The following STAB2 variants were observed in gnomAD, a reference collection of about 807,000 sequenced individuals.
STAB2 encodes the protein stabilin 2.
In STAB2, 288 loss-of-function variants were observed where a neutral mutation model predicts 338.1. The ratio of observed to expected loss-of-function variants is 0.85; its 90% CI spans 0.77 to 0.94. STAB2 has a LOEUF of 0.94. STAB2 is among the 40% of genes least tolerant of loss of function. STAB2 has a pLI of 0.00. For synonymous variants in STAB2, 1,202 were observed against 1,193.3 expected, an observed-to-expected ratio of 1.01 and a Z score of -0.15; for missense variants, 3,141 against 3,210.1, an observed-to-expected ratio of 0.98 and a Z score of 0.52.
chr12:103,750,767 C>A, intron 60 of STAB2, 47 bp downstream of exon 60: 1 of 1,569,808 alleles, frequency 6.4e-7, no homozygotes, highest in Non-Finnish European at 8.7e-7. Flanking sequence ...CCTCTTCAGG[C>A]CTGGGGAAGG....
chr12:103,659,399 C>T (rs907941203), intron 15 of STAB2, among the ~76,000 whole-genome samples: 12 of 152,222 alleles, frequency 7.9e-5, no homozygotes, highest in Non-Finnish European at 1.5e-4. Flanking sequence ...CCTGGGACTT[C>T]ACGCTGTTGC....
In STAB2 at chr12:103,597,010, A is replaced by T. The variant is rs569738531; in HGVS notation, c.331+2500A>T. ...AAAAGGGCTCTTTGAATGTTCAAAC[A>T]TTTCCTTCAAACAGGCCTCAAAGCC... On this transcript the variant is annotated intron_variant, in intron 3 of 68. Transcript: ENST00000388887. 2.7e-5 allele frequency among the ~76,000 whole-genome samples: 4 copies of T among 150,446 alleles called. No homozygotes were observed. In the East Asian group the frequency reaches 7.9e-4, roughly 30 times the overall value.
In STAB2 at chr12:103,753,069, T is replaced by C. The variant is rs1366211370; in HGVS notation, c.6581-151T>C. On this transcript the variant is annotated intron_variant, in intron 60 of 68. Coordinates refer to ENST00000388887, the MANE Select transcript of STAB2 (RefSeq NM_017564.10). ...GTTAGAAAAGAAATATTTTAAATGA[T>C]GTACTTCAACATAACTTGAAGGGAA... 5.0e-6 allele frequency: 4 copies of C among 794,350 alleles called. No homozygotes were observed. The African/African-American group carries it at 5.2e-5, about 10-fold the overall frequency. The allele number at this position is 794,350 out of a possible 1,614,324, so 49.2% of individuals were successfully genotyped here.
At chr12:103,598,871 A>G (rs1321051436) in intron 3 of STAB2, among the ~76,000 whole-genome samples, 1 of 152,196 alleles carries the variant, frequency 6.6e-6, no homozygotes, top group Non-Finnish European at 1.5e-5. Context: ...CACATGTATG[A>G]TAAGTCCCTA....
Position 103,703,134 on chromosome 12 carries a change from C to G in STAB2, c.3715-14C>G. The stretch of plus-strand genomic sequence containing the variant: ...AATGTCATAAAAAGTGACATTTAAC[C>G]CTGTTGTTCACAGCTCTATGTAAAT... On this transcript the variant is annotated splice_polypyrimidine_tract_variant and intron_variant, in intron 34 of 68. Coordinates refer to ENST00000388887, the MANE Select transcript of STAB2 (RefSeq NM_017564.10). 6.2e-7 allele frequency: 1 copy of G among 1,607,638 alleles called. No homozygotes were observed. Among genetic ancestry groups the G allele is most frequent in the South Asian group, 1.1e-5 (1 of 89,348 alleles).
chr12:103,694,613 A>G (rs77901580), intron 31 of STAB2, among the ~76,000 whole-genome samples: 1 of 152,116 alleles, frequency 6.6e-6, no homozygotes, highest in African/African-American at 2.4e-5. Context: ...AGCAGACTGG[A>G]TTGGGCTTTC....
chr12:103,731,459 C>T, intron 49 of STAB2, 117 bp from the exon 50 acceptor site: 1 of 968,856 alleles, frequency 1.0e-6, no homozygotes, highest in Non-Finnish European at 1.5e-6. Context: ...TGCTGATGAG[C>T]CCATCTATGT....
chr12:103,618,929 C>T (rs969274783), intron 3 of STAB2, among the ~76,000 whole-genome samples: 2 of 152,130 alleles, frequency 1.3e-5, no homozygotes, highest in African/African-American at 4.8e-5. Context: ...ATGCTGTTCT[C>T]ATGATTGTGA....
At chr12:103,746,193 C>T (rs962816472) in intron 57 of STAB2, 1 of 175,592 alleles carries the variant, frequency 5.7e-6, no homozygotes, top group Admixed American at 5.8e-5. Flanking sequence ...CCAGGCTTCT[C>T]CCTAGCTCAG....
At chr12:103,689,810 A>T (rs1403438215) in intron 28 of STAB2, 36 bp from the exon 29 acceptor site, 3 of 1,603,508 alleles carry the variant, frequency 1.9e-6, no homozygotes, top group East Asian at 2.2e-5. Context: ...GTCCCCTAAC[A>T]TAAGCAGGTC....
At chr12:103,638,363 C>A in intron 8 of STAB2, 151 bp downstream of exon 8, 1 of 837,036 alleles carries the variant, frequency 1.2e-6, no homozygotes, top group South Asian at 2.1e-5. Flanking sequence ...GTGCTCAGAG[C>A]CTGAAATCAG....
intron 44 of STAB2, among the ~76,000 whole-genome samples, chr12:103,721,402 G>A (rs978210908): frequency 2.0e-5 from 3 of 152,192 alleles, no homozygotes; most frequent in African/African-American, 4.8e-5. Context: ...CAGTGTGAAT[G>A]CAGTAAAGGG....
At chr12:103,725,678 A>T (rs1485936383) in intron 45 of STAB2, among the ~76,000 whole-genome samples, 1 of 152,206 alleles carries the variant, frequency 6.6e-6, no homozygotes, top group Non-Finnish European at 1.5e-5. Context: ...GTGTGTGTGT[A>T]CTGAGCATAG....
intron 3 of STAB2, among the ~76,000 whole-genome samples, chr12:103,606,613 T>C (rs1565956243): frequency 6.6e-6 from 1 of 152,314 alleles, no homozygotes; most frequent in South Asian, 2.1e-4. Flanking sequence ...TTGTTGTATA[T>C]AGAATTTTAA....
chr12:103,700,963 A>G (rs905389966), intron 34 of STAB2, among the ~76,000 whole-genome samples: 5 of 150,298 alleles, frequency 3.3e-5, no homozygotes, highest in Non-Finnish European at 7.4e-5. Flanking sequence ...GTCATCTAGC[A>G]TTAGGTATAT....
In STAB2 at chr12:103,730,930, A is replaced by T. The variant is rs146400733; in HGVS notation, c.5224-646A>T. Among the ~76,000 whole-genome samples, 1,185 of 152,252 alleles carry T rather than the reference A, an allele frequency of 7.8e-3. 22 individuals carry two copies. The highest frequency in any genetic ancestry group is 0.027 in the African/African-American group (1,126 of 41,560). On this transcript the variant is annotated intron_variant, in intron 49 of 68. Coordinates refer to ENST00000388887, the MANE Select transcript of STAB2 (RefSeq NM_017564.10). Reference sequence around the variant, plus strand: ...CCAGGTGTGATGGTGCATGCCTATAATCCCAGCTACTTGGGAGGCTGAGGT... The same window carrying T: ...CCAGGTGTGATGGTGCATGCCTATATTCCCAGCTACTTGGGAGGCTGAGGT...
rs1300735689 is a variant in STAB2, at chr12:103,660,681, A to G, written c.1789-2A>G. Reference sequence around the variant, plus strand: ...CTGCCTTTTGTTCTCTTCTTATTGCAGCTTGAAGTGGCCACTCTCATCTCC... The same window carrying G: ...CTGCCTTTTGTTCTCTTCTTATTGCGGCTTGAAGTGGCCACTCTCATCTCC... On this transcript the variant is annotated splice_acceptor_variant, in intron 16 of 68. Coordinates refer to ENST00000388887, the MANE Select transcript of STAB2 (RefSeq NM_017564.10). LOFTEE classifies it high-confidence loss of function. 6.2e-7 allele frequency: 1 copy of G among 1,614,046 alleles called. No individual in the cohort carries two copies. Among genetic ancestry groups the G allele is most frequent in the South Asian group, 1.1e-5 (1 of 91,074 alleles).
intron 26 of STAB2, among the ~76,000 whole-genome samples, chr12:103,684,148 G>A (rs992949563): frequency 4.6e-5 from 7 of 152,036 alleles, no homozygotes; most frequent in African/African-American, 7.2e-5. Context: ...CTCATTCCCC[G>A]AACTTGTAGT....
At chr12:103,712,183 A>G (rs1312079374) in intron 40 of STAB2, among the ~76,000 whole-genome samples, 184 bp from the exon 41 acceptor site, 1 of 152,158 alleles carries the variant, frequency 6.6e-6, no homozygotes, top group East Asian at 1.9e-4. Context: ...ATAAATGAGT[A>G]CAGTTTTAGC....
Sources: allele counts gnomAD v4.1 joint callset (sites outside exome capture counted in the v4.1 genomes callset), GRCh38; gene constraint gnomAD v4.1.1; transcripts MANE v1.5; gene names NCBI Gene and HGNC (gene_info 2026-07-23, HGNC 2026-07-21).